The following BCAS3 variants were observed in gnomAD, a reference collection of about 807,000 sequenced individuals.
BCAS3 encodes the protein BCAS4/BCAS3 fusion.
Under a neutral mutation model 116.1 loss-of-function variants are expected in BCAS3, and 53 were observed. The ratio of observed to expected loss-of-function variants is 0.46; its 90% CI spans 0.37 to 0.57. The LOEUF (loss-of-function observed/expected upper bound fraction) is 0.57, where lower values mean the gene tolerates loss of function less well. Ranked by LOEUF, BCAS3 falls within the 20% of genes least tolerant of loss-of-function variation. The pLI is 0.00. For synonymous variants in BCAS3, 391 were observed against 408.2 expected, an observed-to-expected ratio of 0.96 and a Z score of 0.51; for missense variants, 917 against 1,165.4, an observed-to-expected ratio of 0.79 and a Z score of 3.10.
intron 4 of BCAS3, among the ~76,000 whole-genome samples, chr17:60,701,985 AAAAG>A (rs769223919): frequency 2.2e-4 from 34 of 152,188 alleles, no homozygotes; most frequent in Middle Eastern, 3.4e-3. Flanking sequence ...AAAAAATAAA[AAAAG>A]AAAGAAAAGT....
At chr17:60,850,068 C>T (rs2052941168) in intron 7 of BCAS3, among the ~76,000 whole-genome samples, 1 of 152,068 alleles carries the variant, frequency 6.6e-6, no homozygotes, top group Non-Finnish European at 1.5e-5. Flanking sequence ...CCTGGACTCC[C>T]CTATTCTTTG....
At position 61,041,052 on chromosome 17, in the gene BCAS3, A is replaced by G. The variant is rs1466342005; in HGVS notation, c.2029+160A>G. On this transcript the variant is annotated intron_variant, in intron 19 of 23. Transcript: ENST00000407086. This position sits in a 1 kb window ranked among gnomAD's most constrained non-coding sequence, Gnocchi z 4.7. ...ATATTTAATATGAATATAAACTGTA[A>G]GCCTTAGTATACATTATGTCTCTGA... Among the ~76,000 whole-genome samples, 2 of 152,222 alleles carry G rather than the reference A, an allele frequency of 1.3e-5. No homozygotes were observed. The highest frequency in any genetic ancestry group is 4.8e-5 in the African/African-American group (2 of 41,460).
At chr17:60,863,659 C>T (rs954504746) in intron 7 of BCAS3, among the ~76,000 whole-genome samples, 1 of 152,018 alleles carries the variant, frequency 6.6e-6, no homozygotes, top group Admixed American at 6.6e-5. Context: ...GATGCTGTGA[C>T]TAGAGGATTG....
In BCAS3 at chr17:60,995,248, G is replaced by A. The variant is rs2063762560; in HGVS notation, c.1486+5013G>A. Among the ~76,000 whole-genome samples the A allele has an allele frequency of 2.0e-5, 3 of 152,172 alleles. No individual in the cohort carries two copies. The highest frequency in any genetic ancestry group is 7.2e-5 in the African/African-American group (3 of 41,444). On this transcript the variant is annotated intron_variant, in intron 15 of 23. Coordinates refer to ENST00000407086, the MANE Select transcript of BCAS3 (RefSeq NM_017679.5). The surrounding 1 kb of genome is among the most constrained non-coding windows in gnomAD (Gnocchi z 4.7). ...GCTTGCTGCAACCTCCACCTCCCGGGTTCAAGTGATTCTTCTGCTTCAGCC... is the reference window on the plus strand; with the variant it reads ...GCTTGCTGCAACCTCCACCTCCCGGATTCAAGTGATTCTTCTGCTTCAGCC...
At chr17:60,905,537 C>G (rs1215311531) in intron 11 of BCAS3, among the ~76,000 whole-genome samples, 1 of 152,146 alleles carries the variant, frequency 6.6e-6, no homozygotes, top group African/African-American at 2.4e-5. Flanking sequence ...TCTGATAACT[C>G]TAATGTCTGG....
chr17:60,730,575 A>G (rs971432297), intron 5 of BCAS3, among the ~76,000 whole-genome samples: 2 of 152,214 alleles, frequency 1.3e-5, no homozygotes. Flanking sequence ...AAACAAAACA[A>G]AACAAAAAAC....
intron 6 of BCAS3, among the ~76,000 whole-genome samples, chr17:60,803,185 A>G (rs1279815163): frequency 6.6e-6 from 1 of 152,126 alleles, no homozygotes; most frequent in Non-Finnish European, 1.5e-5. Flanking sequence ...TTTGTTTTGC[A>G]TTCACCTTTA....
intron 15 of BCAS3, among the ~76,000 whole-genome samples, chr17:61,009,943 G>GT (rs1291224976): frequency 2.6e-5 from 4 of 151,934 alleles, no homozygotes; most frequent in Non-Finnish European, 4.4e-5. Context: ...GTCCAAGTTT[G>GT]TCAAAGCCCA....
chr17:60,798,891 T>C (rs1162345561), intron 6 of BCAS3, among the ~76,000 whole-genome samples: 1 of 152,242 alleles, frequency 6.6e-6, no homozygotes, highest in Admixed American at 6.5e-5. Flanking sequence ...TGTGCAATGG[T>C]ATCTCATTGT....
At chr17:61,076,604 A>G (rs1285928057) in intron 20 of BCAS3, among the ~76,000 whole-genome samples, 6 of 152,194 alleles carry the variant, frequency 3.9e-5, no homozygotes, top group Non-Finnish European at 8.8e-5. Flanking sequence ...TTCAATTAGA[A>G]AAAGGGGTAA....
intron 22 of BCAS3, among the ~76,000 whole-genome samples, chr17:61,257,891 C>A (rs185857888): frequency 6.6e-6 from 1 of 152,298 alleles, no homozygotes; most frequent in East Asian, 1.9e-4. Flanking sequence ...TTTCCCTTCC[C>A]ATTTTCACTC....
Position 61,337,233 on chromosome 17 carries a change from T to C in BCAS3, c.2426-31094T>C, listed in dbSNP as rs982148785. ...CCGAGTGGAACAGGGACGTGAGCCA[T>C]GTCAGTGTCTGTAAATAGAGGCAGT... On this transcript the variant is annotated intron_variant, in intron 22 of 23. Coordinates refer to ENST00000407086, the MANE Select transcript of BCAS3 (RefSeq NM_017679.5). The surrounding 1 kb of genome is among the most constrained non-coding windows in gnomAD (Gnocchi z 4.8). Among the ~76,000 whole-genome samples, 2 of 152,216 alleles carry C rather than the reference T, an allele frequency of 1.3e-5. No individual in the cohort carries two copies. Among genetic ancestry groups the C allele is most frequent in the Non-Finnish European group, 2.9e-5 (2 of 68,032 alleles).
chr17:61,170,075 G>A (rs1260160920), intron 22 of BCAS3, among the ~76,000 whole-genome samples: 2 of 151,868 alleles, frequency 1.3e-5, no homozygotes, highest in African/African-American at 4.8e-5. Context: ...GGCTGGTCTC[G>A]AACTCCTGAC....
At chr17:61,294,209 G>A (rs1240629773) in intron 22 of BCAS3, among the ~76,000 whole-genome samples, 1 of 152,078 alleles carries the variant, frequency 6.6e-6, no homozygotes, top group Non-Finnish European at 1.5e-5. Context: ...AACTTATAAT[G>A]GAGTTACTCA....
chr17:60,999,197 C>T (rs1171753980), intron 15 of BCAS3, among the ~76,000 whole-genome samples: 2 of 152,128 alleles, frequency 1.3e-5, no homozygotes, highest in African/African-American at 4.8e-5. Flanking sequence ...TATTTTTGCA[C>T]CAATACTATC....
intron 14 of BCAS3, among the ~76,000 whole-genome samples, chr17:60,986,395 T>C (rs79801897): frequency 0.07 from 10,619 of 152,206 alleles, 1,112 homozygotes; most frequent in African/African-American, 0.23. Flanking sequence ...GCTCTAGTTG[T>C]AGTTTTTTCA....
At chr17:60,888,692 G>A (rs374952138) in intron 9 of BCAS3, among the ~76,000 whole-genome samples, 8 of 152,092 alleles carry the variant, frequency 5.3e-5, no homozygotes, top group East Asian at 1.9e-4. Context: ...TCAGTTTTCC[G>A]GAAACCCTAA....
intron 22 of BCAS3, among the ~76,000 whole-genome samples, chr17:61,340,405 A>T (rs561221940): frequency 6.6e-6 from 1 of 152,126 alleles, no homozygotes; most frequent in African/African-American, 2.4e-5. Context: ...TGAAGCCGTC[A>T]TCTAAGCCCT....
intron 5 of BCAS3, among the ~76,000 whole-genome samples, chr17:60,734,221 C>T (rs1007632099): frequency 2.0e-5 from 3 of 152,190 alleles, no homozygotes; most frequent in Admixed American, 6.5e-5. Flanking sequence ...GCTTTAAACT[C>T]TGGGCTCAAG....
Sources: allele counts gnomAD v4.1 joint callset (sites outside exome capture counted in the v4.1 genomes callset), GRCh38; gene constraint gnomAD v4.1.1; non-coding constraint Gnocchi (gnomAD v3.1); transcripts MANE v1.5; gene names NCBI Gene and HGNC (gene_info 2026-07-23, HGNC 2026-07-21).